The following KL variants were observed in gnomAD, a reference collection of about 807,000 sequenced individuals.
The protein encoded by KL is alpha-klotho.
KL carries 62 observed loss-of-function variants against 84.2 expected under a neutral mutation model. The observed-to-expected ratio is 0.74, with a 90% CI of 0.60 to 0.91. The LOEUF (loss-of-function observed/expected upper bound fraction) is 0.91, where lower values mean the gene tolerates loss of function less well. Among genes scored for constraint, KL ranks in the 40% least tolerant of loss-of-function variants. The pLI is 0.00. For missense variants in KL, 1,261 were observed against 1,305.7 expected (o/e 0.97, Z 0.53); for synonymous variants, 528 against 528.0 (o/e 1.00, Z 0.00).
chr13:33,053,733 A>G, intron 1 of KL, 34 bp from the exon 2 acceptor site: 1 of 1,605,546 alleles, frequency 6.2e-7, no homozygotes, highest in East Asian at 2.2e-5. Context: ...CCTCACAACT[A>G]GAGATAAATT....
intron 3 of KL, among the ~76,000 whole-genome samples, chr13:33,060,438 T>C (rs558398964): frequency 6.6e-6 from 1 of 152,278 alleles, no homozygotes; most frequent in African/African-American, 2.4e-5. Flanking sequence ...TCCAGACTTT[T>C]GGGGGTCACA....
At position 33,061,165 on chromosome 13, in the gene KL, A is replaced by T. The variant is rs772782649; in HGVS notation, c.2086A>T (p.Thr696Ser). The change falls in exon 4 of 5, where the codon ACA becomes TCA. Residue 696 changes from threonine (T) to serine (S), a missense_variant. Physicochemically the swap from Thr to Ser is moderately conservative, Grantham distance 58 (BLOSUM62 1). Coordinates refer to ENST00000380099, the MANE Select transcript of KL (RefSeq NM_004795.4). ...TMNEPYTRNM[T>S]YSAGHNLLKA... ...GAATGAGCCGTATACAAGGAATATG[A>T]CATACAGTGCTGGCCACAACCTTCT... 6.2e-7 allele frequency: 1 copy of T among 1,614,244 alleles called. No individual in the cohort carries two copies. The highest frequency in any genetic ancestry group is 8.5e-7 in the Non-Finnish European group (1 of 1,180,048).
intron 1 of KL, among the ~76,000 whole-genome samples, chr13:33,046,918 G>A (rs1400979542): frequency 6.6e-6 from 1 of 151,968 alleles, no homozygotes; most frequent in Non-Finnish European, 1.5e-5. Context: ...GCTTGTTTGA[G>A]TGTGTCAACA....
rs747471621 is a variant in KL at position 33,055,137 on chromosome 13, G to C, written c.1421G>C (p.Arg474Pro). 1 of 1,614,178 alleles carries C rather than the reference G, an allele frequency of 6.2e-7. No homozygotes were observed. Among genetic ancestry groups the C allele is most frequent in the East Asian group, 2.2e-5 (1 of 44,878 alleles). Residue 474 changes from arginine (R) to proline (P), a missense_variant, in exon 3 of 5, where the codon CGT becomes CCT. Physicochemically the swap from Arg to Pro is moderately radical, Grantham distance 103. Transcript: ENST00000380099. Reference sequence around the variant, plus strand: ...TGGCACAGAGGTTACAGCATCAGGCGTGGACTCTTCTATGTTGACTTTCTA... The same window carrying C: ...TGGCACAGAGGTTACAGCATCAGGCCTGGACTCTTCTATGTTGACTTTCTA... ...FEWHRGYSIR[R>P]GLFYVDFLSQ...
At chr13:33,041,003 T>A (rs1871319340) in intron 1 of KL, among the ~76,000 whole-genome samples, 1 of 152,210 alleles carries the variant, frequency 6.6e-6, no homozygotes, top group African/African-American at 2.4e-5. Context: ...CAAACCATCA[T>A]GATCTTTTGC....
At chr13:33,040,354 C>G (rs1050231016) in intron 1 of KL, among the ~76,000 whole-genome samples, 2 of 152,118 alleles carry the variant, frequency 1.3e-5, no homozygotes, top group Non-Finnish European at 2.9e-5. Flanking sequence ...AATGTAATCC[C>G]AATACTCTTC....
chr13:33,034,148 CTG>C (rs1281495585), intron 1 of KL, among the ~76,000 whole-genome samples: 1 of 152,102 alleles, frequency 6.6e-6, no homozygotes, highest in Non-Finnish European at 1.5e-5. Context: ...CCAGGTTTTT[CTG>C]TGTGATAAAA....
intron 1 of KL, among the ~76,000 whole-genome samples, chr13:33,036,350 C>T (rs548826809): frequency 6.6e-6 from 1 of 151,462 alleles, no homozygotes; most frequent in African/African-American, 2.4e-5. Context: ...TGCACACACA[C>T]CACACACACA....
In KL at chr13:33,053,980, C is replaced by T. The variant is rs1470510424; in HGVS notation, c.1033C>T (p.Leu345Phe). The T allele has an allele frequency of 3.1e-6, 5 of 1,613,932 alleles. No homozygotes were observed. The highest frequency in any genetic ancestry group is 4.2e-6 in the Non-Finnish European group (5 of 1,179,874). Reference sequence around the variant, plus strand: ...CTATCCCGAGAGCATGAAGAATAACCTTTCATCTATTCTGCCTGATTTTAC... The same window carrying T: ...CTATCCCGAGAGCATGAAGAATAACTTTTCATCTATTCTGCCTGATTTTAC... ...GDYPESMKNN[L>F]SSILPDFTES... The change falls in exon 2 of 5, where the codon CTT becomes TTT. Residue 345 changes from leucine (L) to phenylalanine (F), a missense_variant. Coordinates refer to ENST00000380099, the MANE Select transcript of KL (RefSeq NM_004795.4).
intron 1 of KL, among the ~76,000 whole-genome samples, chr13:33,026,621 G>A (rs1348250680): frequency 6.6e-6 from 1 of 152,148 alleles, no homozygotes; most frequent in African/African-American, 2.4e-5. Flanking sequence ...CTGGCTTCTG[G>A]CAGTTAAGCA....
chr13:33,062,564 T>G (rs145901259), intron 4 of KL, among the ~76,000 whole-genome samples: 71 of 145,680 alleles, frequency 4.9e-4, no homozygotes, highest in African/African-American at 1.7e-3. Context: ...TCTCAGCTAC[T>G]CGGGAGGCTG....
chr13:33,029,995 G>A (rs571270278), intron 1 of KL, among the ~76,000 whole-genome samples: 1 of 151,986 alleles, frequency 6.6e-6, no homozygotes, highest in South Asian at 2.1e-4. Flanking sequence ...GAAGTCCAAG[G>A]GCAAGTCTCT....
Position 33,017,685 on chromosome 13 carries a change from G to A in KL, c.819+426G>A, listed in dbSNP as rs978031138. The stretch of plus-strand genomic sequence containing the variant: ...ACTCTCTGGAGCTGTCACGAGTTCA[G>A]TGTTAATCCAATAAGATCTGTCTTG... On this transcript the variant is annotated intron_variant, in intron 1 of 4. Coordinates refer to ENST00000380099, the MANE Select transcript of KL (RefSeq NM_004795.4). 4.6e-5 allele frequency among the ~76,000 whole-genome samples: 7 copies of A among 152,312 alleles called. No individual in the cohort carries two copies. The South Asian group carries it at 1.5e-3, about 32-fold the overall frequency.
At chr13:33,029,202 G>C (rs1380161302) in intron 1 of KL, among the ~76,000 whole-genome samples, 1 of 152,076 alleles carries the variant, frequency 6.6e-6, no homozygotes, top group Non-Finnish European at 1.5e-5. Flanking sequence ...GAGCTCTTTT[G>C]GATTCAAGTT....
chr13:33,056,034 A>T (rs1164426371), intron 3 of KL, among the ~76,000 whole-genome samples: 3 of 152,130 alleles, frequency 2.0e-5, no homozygotes, highest in Non-Finnish European at 4.4e-5. Context: ...CGCTTGGTTA[A>T]GGGGAGTGCA....
chr13:33,033,757 T>G (rs1336343894), intron 1 of KL, among the ~76,000 whole-genome samples: 1 of 151,826 alleles, frequency 6.6e-6, no homozygotes, highest in Admixed American at 6.6e-5. Flanking sequence ...GAAGACTGAC[T>G]ACTTCTGGGG....
rs1358615141 is a variant in KL at position 33,064,085 on chromosome 13, A to G, written c.2938A>G (p.Lys980Glu). 1 of 1,614,012 alleles carries G rather than the reference A, an allele frequency of 6.2e-7. No homozygotes were observed. ...TGAGTGCAGTTTTTTTCACACCCGAAAGTCTTTACTGGCTTTCATAGCTTT... is the reference window on the plus strand; with the variant it reads ...TGAGTGCAGTTTTTTTCACACCCGAGAGTCTTTACTGGCTTTCATAGCTTT... The part of the protein sequence containing the change: ...CTECSFFHTR[K>E]SLLAFIAFLF... Residue 980 changes from lysine to glutamate, a missense_variant, in exon 5 of 5, where the codon AAG (lysine) becomes GAG (glutamate). By Grantham distance (56) the Lys-to-Glu change is moderately conservative (BLOSUM62 1). Coordinates refer to ENST00000380099, the MANE Select transcript of KL (RefSeq NM_004795.4).
intron 1 of KL, among the ~76,000 whole-genome samples, chr13:33,017,993 T>A (rs1870435950): frequency 6.6e-6 from 1 of 152,262 alleles, no homozygotes; most frequent in Non-Finnish European, 1.5e-5. Flanking sequence ...GTTAGCCTGA[T>A]AAAATTAATT....
chr13:33,017,297 A>G (rs1181356637), intron 1 of KL, 38 bp downstream of exon 1: 4 of 1,511,766 alleles, frequency 2.6e-6, no homozygotes. Context: ...CACGCAGGGG[A>G]GACAGAGGGC....
Sources: gnomAD v4.1 joint callset for allele counts (sites outside exome capture counted in the v4.1 genomes callset) on GRCh38, gnomAD v4.1.1 for gene constraint, MANE v1.5 for transcripts, NCBI Gene and HGNC (gene_info 2026-07-23, HGNC 2026-07-21) for gene names.